MYO10: variants seen among roughly 807,000 people sequenced by gnomAD.
The protein encoded by MYO10 is unconventional myosin-X.
Under a neutral mutation model 257.3 loss-of-function variants are expected in MYO10, and 133 were observed. The observed-to-expected ratio is 0.52, with a 90% CI of 0.45 to 0.60. The LOEUF (loss-of-function observed/expected upper bound fraction) is 0.60. MYO10 is among the 20% of genes least tolerant of loss of function. The pLI is 0.00. For missense variants in MYO10, 2,399 were observed against 2,635.7 expected, an observed-to-expected ratio of 0.91 and a Z score of 1.97; for synonymous variants, 1,104 against 1,028.6, an observed-to-expected ratio of 1.07 and a Z score of -1.40.
At chr5:16,899,713 T>C (rs1215590315) in intron 1 of MYO10, among the ~76,000 whole-genome samples, 1 of 151,594 alleles carries the variant, frequency 6.6e-6, no homozygotes, top group African/African-American at 2.4e-5. Context: ...ATAAAATAAT[T>C]TAAGCCAGGT....
intron 4 of MYO10, among the ~76,000 whole-genome samples, chr5:16,788,162 A>G (rs59001186): frequency 0.07 from 10,720 of 152,192 alleles, 1,215 homozygotes; most frequent in African/African-American, 0.24. Flanking sequence ...GAGACCAAAA[A>G]GGTGATGCGG....
chr5:16,719,619 A>T (rs1579901633), intron 19 of MYO10, among the ~76,000 whole-genome samples: 1 of 152,236 alleles, frequency 6.6e-6, no homozygotes, highest in East Asian at 1.9e-4. Context: ...TCATGTGATC[A>T]CAATGTCTTG....
rs540323313 is a variant in MYO10, at chr5:16,917,708, A to G, written c.21+18080T>C. 8.9e-5 allele frequency among the ~76,000 whole-genome samples: 13 copies of G among 146,496 alleles called. 1 individual carries two copies. The South Asian group carries it at 2.2e-3, about 24-fold the overall frequency. On this transcript the variant is annotated intron_variant, in intron 1 of 40. Coordinates refer to ENST00000513610, the MANE Select transcript of MYO10 (RefSeq NM_012334.3). ...ACCCATCTCTACAAAAAAAAAAAGGAAAAAAAAAAGAAAAAATCAGATGGG... is the reference window on the plus strand; with the variant it reads ...ACCCATCTCTACAAAAAAAAAAAGGGAAAAAAAAAGAAAAAATCAGATGGG...
In MYO10 at chr5:16,673,936, G is replaced by C. The variant is rs376649692; in HGVS notation, c.4965-47C>G. 1.1e-4 allele frequency: 170 copies of C among 1,561,958 alleles called. No individual in the cohort carries two copies. The African/African-American group carries it at 2.1e-3, about 19-fold the overall frequency. On this transcript the variant is annotated intron_variant, in intron 35 of 40. Transcript: ENST00000513610. Reference sequence around the variant, plus strand: ...TTAATTTTTAGACTGATGGGGGCTGGCTGCTGGGAGGAACTAGGCTGTGCC... The same window carrying C: ...TTAATTTTTAGACTGATGGGGGCTGCCTGCTGGGAGGAACTAGGCTGTGCC...
Position 16,754,851 on chromosome 5 carries a change from A to G in MYO10, c.1906T>C (p.Cys636Arg), listed in dbSNP as rs1182972703. The change falls in exon 19 of 41, where the codon TGT becomes CGT. Residue 636 changes from cysteine to arginine, a missense_variant. By Grantham distance (180) the Cys-to-Arg change is radical. Coordinates refer to ENST00000513610, the MANE Select transcript of MYO10 (RefSeq NM_012334.3). ...LSSSNPFFVR[C>R]IKPNMQKMPD... ...ACCTTCTGCATGTTTGGCTTGATAC[A>G]GCGAACAAAGAAAGGATTAGAGGAG... 1 of 1,604,444 alleles carries G rather than the reference A, an allele frequency of 6.2e-7. No individual in the cohort carries two copies. The highest frequency in any genetic ancestry group is 8.5e-7 in the Non-Finnish European group (1 of 1,173,850).
At position 16,679,997 on chromosome 5, in the gene MYO10, T is replaced by G. The variant is rs1736913406; in HGVS notation, c.4492A>C (p.Thr1498Pro). The G allele has an allele frequency of 6.2e-7, 1 of 1,613,788 alleles. No individual in the cohort carries two copies. The highest frequency in any genetic ancestry group is 1.3e-5 in the African/African-American group (1 of 74,930). ...WSSAIQNVTD[T>P]KAPIDTPTQQ... is the part of the protein sequence containing the mutation. ...GTGGGGGTGTCGATCGGGGCCTTGG[T>G]GTCAGTCACGTTTTGAATGGCACTG... is the stretch of plus-strand genomic sequence containing the variant. Residue 1498 changes from threonine (T) to proline (P), a missense_variant, in exon 33 of 41, where the codon ACC (threonine) becomes CCC (proline). Thr to Pro is a conservative substitution (Grantham distance 38). This residue lies in a region of MYO10 where 1,820 missense variants were observed against 1,939.4 expected (regional missense o/e 0.94). Transcript: ENST00000513610.
intron 1 of MYO10, among the ~76,000 whole-genome samples, chr5:16,911,532 G>A (rs1052424356): frequency 6.6e-6 from 1 of 152,138 alleles, no homozygotes; most frequent in Non-Finnish European, 1.5e-5. Flanking sequence ...AGGAGTTCAA[G>A]ACTAGGCTGG....
chr5:16,774,700 C>T (rs1217058751), intron 9 of MYO10, among the ~76,000 whole-genome samples: 2 of 152,022 alleles, frequency 1.3e-5, no homozygotes, highest in South Asian at 2.1e-4. Flanking sequence ...GGATTACAGG[C>T]GTGAGCCACC....
chr5:16,690,764 T>C (rs1323348743), intron 27 of MYO10, among the ~76,000 whole-genome samples: 3 of 151,546 alleles, frequency 2.0e-5, no homozygotes, highest in East Asian at 3.9e-4. Flanking sequence ...GTGCTGGGAG[T>C]GAGGCGCAGG....
intron 18 of MYO10, among the ~76,000 whole-genome samples, chr5:16,757,253 G>T (rs1472306408): frequency 6.8e-6 from 1 of 147,140 alleles, no homozygotes; most frequent in African/African-American, 2.5e-5. Context: ...TTACACCACT[G>T]CACTCCAGTC....
chr5:16,858,040 G>A (rs1266988106), intron 2 of MYO10, among the ~76,000 whole-genome samples: 3 of 152,202 alleles, frequency 2.0e-5, no homozygotes, highest in Non-Finnish European at 2.9e-5. Context: ...GTGAAGCTTT[G>A]CAACTCCTCA....
intron 19 of MYO10, among the ~76,000 whole-genome samples, chr5:16,720,179 A>C (rs566437907): frequency 1.3e-5 from 2 of 152,114 alleles, no homozygotes; most frequent in Non-Finnish European, 2.9e-5. Flanking sequence ...AATGGTAGAG[A>C]GCCCGAGATC....
intron 2 of MYO10, among the ~76,000 whole-genome samples, chr5:16,873,101 A>C (rs906654385): frequency 2.0e-5 from 3 of 152,216 alleles, no homozygotes; most frequent in Non-Finnish European, 4.4e-5. Flanking sequence ...ATCTGAGACA[A>C]GGCAAGTCCC....
chr5:16,670,395 G>T, intron 39 of MYO10, 131 bp downstream of exon 39: 1 of 707,388 alleles, frequency 1.4e-6, no homozygotes, highest in Non-Finnish European at 2.3e-6. Flanking sequence ...TACAATTCTG[G>T]GGGCTCGAAT....
At chr5:16,901,178 T>C (rs572269731) in intron 1 of MYO10, among the ~76,000 whole-genome samples, 116 of 152,180 alleles carry the variant, frequency 7.6e-4, no homozygotes, top group African/African-American at 2.7e-3. Flanking sequence ...CTGAGCTCAT[T>C]CTCACCCCAG....
chr5:16,801,268 T>C (rs33405), intron 3 of MYO10, among the ~76,000 whole-genome samples: 91,106 of 152,016 alleles, frequency 0.6, 27,376 homozygotes, highest in South Asian at 0.68. Flanking sequence ...CGTGCAGTGG[T>C]GCAATCTCAG....
intron 1 of MYO10, among the ~76,000 whole-genome samples, chr5:16,911,008 T>C (rs1394561086): frequency 6.6e-6 from 1 of 151,894 alleles, no homozygotes; most frequent in Non-Finnish European, 1.5e-5. Context: ...AAAGCTTTTC[T>C]CCCCTTCAAG....
At chr5:16,818,366 G>A (rs1182022101) in intron 2 of MYO10, among the ~76,000 whole-genome samples, 199 bp from the exon 3 acceptor site, 46 of 92,752 alleles carry the variant, frequency 5.0e-4, no homozygotes, top group African/African-American at 1.8e-3. Context: ...GTATGTATGT[G>A]TGTGTGTGTG....
intron 2 of MYO10, among the ~76,000 whole-genome samples, chr5:16,839,584 A>C (rs1743413307): frequency 6.6e-6 from 1 of 152,108 alleles, no homozygotes; most frequent in Non-Finnish European, 1.5e-5. Context: ...CTCTACAAAA[A>C]ATACAAAAAT....
Sources: allele counts gnomAD v4.1 joint callset (sites outside exome capture counted in the v4.1 genomes callset), GRCh38; gene constraint gnomAD v4.1.1; regional missense constraint gnomAD v4.1.1; transcripts MANE v1.5; gene names NCBI Gene and HGNC (gene_info 2026-07-23, HGNC 2026-07-21).